PAX5: variants seen among roughly 807,000 people sequenced by gnomAD.
PAX5 encodes the protein paired box protein Pax-5.
Under a neutral mutation model 43.7 loss-of-function variants are expected in PAX5, and 9 were observed. That is an observed-to-expected ratio of 0.21 (90% CI 0.12 to 0.36). PAX5 has a LOEUF of 0.36. PAX5 is among the 10% of genes least tolerant of loss of function. The pLI is 1.00. For missense variants in PAX5, 383 were observed against 532.7 expected, an observed-to-expected ratio of 0.72 and a Z score of 2.77; for synonymous variants, 228 against 214.3, an observed-to-expected ratio of 1.06 and a Z score of -0.56.
intron 6 of PAX5, chr9:36,930,962 A>G (rs1340672926): frequency 1.4e-6 from 1 of 699,226 alleles, no homozygotes; most frequent in Non-Finnish European, 2.3e-6. Context: ...AGCATGGAGG[A>G]GAAAAGAAAC....
At chr9:37,010,767 A>G (rs1056860883) in intron 3 of PAX5, among the ~76,000 whole-genome samples, 1 of 152,190 alleles carries the variant, frequency 6.6e-6, no homozygotes, top group Non-Finnish European at 1.5e-5. Flanking sequence ...AGCTTGGGCC[A>G]TCAGCTATGC....
At position 36,859,107 on chromosome 9, in the gene PAX5, C is replaced by T. The variant is rs546763892; in HGVS notation, c.1013-12178G>A. On this transcript the variant is annotated intron_variant, in intron 8 of 9. Transcript: ENST00000358127. Reference sequence around the variant, plus strand: ...TGCTGAGAACTCAGCAGCACAGAGGCCCCGATTTCCCCTGCACCCCGAGGA... The same window carrying T: ...TGCTGAGAACTCAGCAGCACAGAGGTCCCGATTTCCCCTGCACCCCGAGGA... Among the ~76,000 whole-genome samples, 12 of 152,256 alleles carry T rather than the reference C, an allele frequency of 7.9e-5. No homozygotes were observed. The East Asian group carries it at 2.3e-3, about 29-fold the overall frequency.
At chr9:36,885,267 C>T (rs909799084) in intron 7 of PAX5, among the ~76,000 whole-genome samples, 3 of 152,116 alleles carry the variant, frequency 2.0e-5, no homozygotes, top group African/African-American at 7.2e-5. Flanking sequence ...GGGGAGGTCT[C>T]GGGGAGGCTG....
At chr9:36,909,882 C>G (rs1188878160) in intron 7 of PAX5, among the ~76,000 whole-genome samples, 3 of 133,570 alleles carry the variant, frequency 2.2e-5, no homozygotes, top group Non-Finnish European at 4.5e-5. Context: ...AGTGCAGTGG[C>G]ACGATCATGG....
chr9:36,858,989 A>C (rs1396839188), intron 8 of PAX5, among the ~76,000 whole-genome samples: 2 of 152,148 alleles, frequency 1.3e-5, no homozygotes, highest in Non-Finnish European at 2.9e-5. Context: ...GCTTCTGCTG[A>C]CATATTTATG....
intron 6 of PAX5, 57 bp downstream of exon 6, chr9:36,966,492 C>T (rs1294580243): frequency 1.9e-6 from 3 of 1,575,256 alleles, no homozygotes; most frequent in Admixed American, 1.7e-5. Flanking sequence ...CCTTCAGGAA[C>T]CTGGCTGGGC....
chr9:36,979,857 C>T (rs919853718), intron 5 of PAX5, among the ~76,000 whole-genome samples: 3 of 152,192 alleles, frequency 2.0e-5, no homozygotes, highest in African/African-American at 7.2e-5. Context: ...GGAGTGGATT[C>T]CAAGCCTGTC....
chr9:36,916,786 G>A (rs1386509283), intron 7 of PAX5, among the ~76,000 whole-genome samples: 1 of 152,120 alleles, frequency 6.6e-6, no homozygotes, highest in Non-Finnish European at 1.5e-5. Context: ...CTAGGTTCAA[G>A]TGGTTCTTGT....
chr9:37,027,782 A>G (rs1454789277), intron 1 of PAX5, among the ~76,000 whole-genome samples: 2 of 152,214 alleles, frequency 1.3e-5, no homozygotes, highest in East Asian at 1.9e-4. Context: ...CACCAAGCCA[A>G]TCAGAGTGGC....
chr9:36,851,480 G>A (rs1173514351), intron 8 of PAX5, among the ~76,000 whole-genome samples: 3 of 152,230 alleles, frequency 2.0e-5, no homozygotes, highest in African/African-American at 7.2e-5. Context: ...GCGGGATTGA[G>A]ATGAAAGAAA....
chr9:37,019,935 A>G (rs1839713038), intron 2 of PAX5, among the ~76,000 whole-genome samples: 1 of 152,124 alleles, frequency 6.6e-6, no homozygotes, highest in Admixed American at 6.5e-5. Flanking sequence ...TCATCTTAAA[A>G]CGTGCTTCAT....
At chr9:37,027,782 A>T (rs1454789277) in intron 1 of PAX5, among the ~76,000 whole-genome samples, 2 of 152,214 alleles carry the variant, frequency 1.3e-5, no homozygotes, top group Non-Finnish European at 2.9e-5. Context: ...CACCAAGCCA[A>T]TCAGAGTGGC....
At chr9:36,919,713 T>C (rs10114125) in intron 7 of PAX5, among the ~76,000 whole-genome samples, 55,409 of 151,230 alleles carry the variant, frequency 0.37, 10,696 homozygotes, top group African/African-American at 0.49. Flanking sequence ...TGGTGGTGGG[T>C]GCCTGTAATC....
At chr9:36,854,862 A>T (rs1020592210) in intron 8 of PAX5, among the ~76,000 whole-genome samples, 4 of 151,966 alleles carry the variant, frequency 2.6e-5, no homozygotes, top group African/African-American at 9.7e-5. Flanking sequence ...TGAGGGGCAG[A>T]ATGCACAATG....
At position 37,002,671 on chromosome 9, in the gene PAX5, G is replaced by A. The variant is rs767708966; in HGVS notation, c.581C>T (p.Thr194Ile). ...ILGITSPSAD[T>I]NKRKRDEGIQ... is the part of the protein sequence containing the mutation. ...ACCTTCGTCTCTCTTGCGCTTGTTG[G>A]TGTCGGCGCTGGGGGACGTGATGCC... The change falls in exon 5 of 10, where the codon ACC becomes ATC. Residue 194 changes from threonine to isoleucine, a missense_variant. Thr to Ile is a moderately conservative substitution (Grantham distance 89). Transcript: ENST00000358127. The A allele has an allele frequency of 3.7e-6, 6 of 1,612,026 alleles. No individual in the cohort carries two copies. Among genetic ancestry groups the A allele is most frequent in the African/African-American group, 1.3e-5 (1 of 75,004 alleles).
chr9:37,024,187 A>G (rs1248681314), intron 1 of PAX5, among the ~76,000 whole-genome samples: 2 of 152,332 alleles, frequency 1.3e-5, no homozygotes, highest in Non-Finnish European at 2.9e-5. Context: ...TGAGTGTTTT[A>G]TAACTGGTAA....
intron 5 of PAX5, among the ~76,000 whole-genome samples, chr9:36,995,634 TC>T (rs1837326080): frequency 6.6e-6 from 1 of 152,132 alleles, no homozygotes; most frequent in Admixed American, 6.5e-5. Flanking sequence ...CACAGAGCCA[TC>T]CTCTCTCTCT....
rs1821666125 is a variant in PAX5, at chr9:36,836,673, T to C, written c.*3887A>G. 4.3e-6 allele frequency: 1 copy of C among 231,944 alleles called. No homozygotes were observed. Among genetic ancestry groups the C allele is most frequent in the Non-Finnish European group, 8.5e-6 (1 of 117,382 alleles). 14.4% of individuals were successfully genotyped at this position (231,944 alleles called of 1,614,324 possible). Reference sequence around the variant, plus strand: ...AGCAGTTCATTCAGGGGACTTGAGATTGTGATCTGTGTTTCCAGGGGCTGT... The same window carrying C: ...AGCAGTTCATTCAGGGGACTTGAGACTGTGATCTGTGTTTCCAGGGGCTGT... On this transcript the variant is annotated 3_prime_UTR_variant, in exon 10 of 10. Transcript: ENST00000358127.
rs1041408803 is a variant in PAX5, at chr9:36,837,810, G to A, written c.*2750C>T. The A allele has an allele frequency of 4.3e-6, 1 of 233,506 alleles. No individual in the cohort carries two copies. Among genetic ancestry groups the A allele is most frequent in the African/African-American group, 2.2e-5 (1 of 45,474 alleles). 14.5% of individuals were successfully genotyped at this position (233,506 alleles called of 1,614,324 possible). A position where few individuals can be genotyped will look rare whatever the true frequency, so the allele number is the denominator to read the frequency against. Reference sequence around the variant, plus strand: ...GGAGCTCATTACAGGGCAAGAAGAGGAACAGGATGGGGAGAGGGGGCCGCT... The same window carrying A: ...GGAGCTCATTACAGGGCAAGAAGAGAAACAGGATGGGGAGAGGGGGCCGCT... On this transcript the variant is annotated 3_prime_UTR_variant, in exon 10 of 10. Coordinates refer to ENST00000358127, the MANE Select transcript of PAX5 (RefSeq NM_016734.3).
Sources: gnomAD v4.1 joint callset for allele counts (sites outside exome capture counted in the v4.1 genomes callset) on GRCh38, gnomAD v4.1.1 for gene constraint, MANE v1.5 for transcripts, NCBI Gene and HGNC (gene_info 2026-07-23, HGNC 2026-07-21) for gene names.